Variants in RAD51B observed in about 807,000 individuals in gnomAD.
RAD51B encodes the protein DNA repair protein RAD51 homolog 2.
Under a neutral mutation model 42.2 loss-of-function variants are expected in RAD51B, and 38 were observed. The observed-to-expected ratio is 0.90, with a 90% CI of 0.70 to 1.18. The LOEUF (loss-of-function observed/expected upper bound fraction) is 1.18, where lower values mean the gene tolerates loss of function less well. RAD51B is among the 50% of genes most tolerant of loss of function. RAD51B has a pLI of 0.00. For synonymous variants in RAD51B, 154 were observed against 145.2 expected, an observed-to-expected ratio of 1.06 and a Z score of -0.43; for missense variants, 373 against 400.7, an observed-to-expected ratio of 0.93 and a Z score of 0.59.
chr14:68,076,946 A>G (rs1346811076), intron 7 of RAD51B, among the ~76,000 whole-genome samples: 2 of 152,186 alleles, frequency 1.3e-5, no homozygotes, highest in African/African-American at 4.8e-5. Flanking sequence ...TCTACCACTG[A>G]GATGTTTAGC....
At chr14:67,933,302 A>G (rs8008791) in intron 7 of RAD51B, among the ~76,000 whole-genome samples, 10,442 of 152,186 alleles carry the variant, frequency 0.069, 874 homozygotes, top group African/African-American at 0.2. Flanking sequence ...TAGCCATTTG[A>G]GTCAACACTG....
chr14:68,128,419 C>T (rs988028098), intron 7 of RAD51B, among the ~76,000 whole-genome samples: 2 of 152,138 alleles, frequency 1.3e-5, no homozygotes, highest in African/African-American at 2.4e-5. Context: ...ATAGGCCAGG[C>T]ACCAGTGGCT....
intron 8 of RAD51B, among the ~76,000 whole-genome samples, chr14:68,398,842 C>T (rs931125027): frequency 6.6e-6 from 1 of 152,068 alleles, no homozygotes; most frequent in Non-Finnish European, 1.5e-5. Flanking sequence ...GGACTGTCTG[C>T]GGGATCTGAG....
intron 9 of RAD51B, among the ~76,000 whole-genome samples, chr14:68,429,039 A>G (rs1162949983): frequency 6.6e-6 from 1 of 151,854 alleles, no homozygotes; most frequent in Non-Finnish European, 1.5e-5. Flanking sequence ...TTTGCTGAGC[A>G]TGATGGTTTC....
chr14:68,522,424 G>C (rs1333753407), intron 10 of RAD51B, among the ~76,000 whole-genome samples: 1 of 152,040 alleles, frequency 6.6e-6, no homozygotes, highest in African/African-American at 2.4e-5. Flanking sequence ...TGAAGAGACT[G>C]CAAAAAAAAT....
chr14:68,353,480 G>A (rs968691543), intron 8 of RAD51B, among the ~76,000 whole-genome samples: 1 of 152,132 alleles, frequency 6.6e-6, no homozygotes, highest in African/African-American at 2.4e-5. Context: ...GGAATATCAG[G>A]GCTAGAATAT....
At chr14:68,088,594 G>A (rs2077037390) in intron 7 of RAD51B, among the ~76,000 whole-genome samples, 1 of 150,700 alleles carries the variant, frequency 6.6e-6, no homozygotes, top group Admixed American at 6.7e-5. Flanking sequence ...GGGATCGTGT[G>A]TGTGTGTGTG....
chr14:67,895,166 G>T (rs977230550), intron 7 of RAD51B, among the ~76,000 whole-genome samples: 2 of 152,168 alleles, frequency 1.3e-5, no homozygotes, highest in African/African-American at 4.8e-5. Flanking sequence ...TTCTAAAGTT[G>T]TATGCTAAGA....
chr14:68,613,350 G>A (rs566101183), downstream of RAD51B, among the ~76,000 whole-genome samples: 1,010 of 152,066 alleles, frequency 6.6e-3, 11 homozygotes, highest in African/African-American at 0.023. Flanking sequence ...CCCAGGAGGT[G>A]GAGGTTGCAG....
intron 7 of RAD51B, among the ~76,000 whole-genome samples, chr14:68,240,396 A>G (rs1314957706): frequency 6.6e-6 from 1 of 152,212 alleles, no homozygotes; most frequent in Non-Finnish European, 1.5e-5. Flanking sequence ...GAAAAAGAAG[A>G]CATATTTTTT....
chr14:68,188,245 C>A (rs920949373), intron 7 of RAD51B, among the ~76,000 whole-genome samples: 11 of 146,742 alleles, frequency 7.5e-5, no homozygotes, highest in Admixed American at 4.1e-4. Flanking sequence ...ATAGTGATTT[C>A]TTTTTTTTTT....
chr14:68,181,027 C>T (rs776577154), intron 7 of RAD51B, among the ~76,000 whole-genome samples: 1 of 152,200 alleles, frequency 6.6e-6, no homozygotes. Context: ...TAGCCTAATG[C>T]TAAAACTCAC....
intron 10 of RAD51B, among the ~76,000 whole-genome samples, chr14:68,549,928 T>C (rs17828955): frequency 0.18 from 27,998 of 152,154 alleles, 3,299 homozygotes; most frequent in Non-Finnish European, 0.27. Context: ...TAATTCTTCA[T>C]TGCTGCAAGT....
At chr14:68,019,655 G>A (rs2075832031) in intron 7 of RAD51B, among the ~76,000 whole-genome samples, 2 of 152,060 alleles carry the variant, frequency 1.3e-5, no homozygotes, top group Non-Finnish European at 2.9e-5. Context: ...GTGGATTTTG[G>A]TATATGTGGT....
chr14:68,078,867 G>A (rs189928887), intron 7 of RAD51B, among the ~76,000 whole-genome samples: 165 of 152,250 alleles, frequency 1.1e-3, no homozygotes, highest in Non-Finnish European at 2.1e-3. Context: ...GCTTGTGCCT[G>A]TAGTCCCAGC....
At chr14:67,895,460 G>A (rs1022779672) in intron 7 of RAD51B, among the ~76,000 whole-genome samples, 26 of 152,010 alleles carry the variant, frequency 1.7e-4, no homozygotes, top group African/African-American at 4.8e-4. Flanking sequence ...TTTCTGTATC[G>A]GTAATAGTAC....
At chr14:67,961,448 G>A (rs906843701) in intron 7 of RAD51B, among the ~76,000 whole-genome samples, 1 of 152,198 alleles carries the variant, frequency 6.6e-6, no homozygotes, top group Non-Finnish European at 1.5e-5. Context: ...CTGTGTCTCA[G>A]ACAAAGATAT....
chr14:68,444,944 G>C (rs550368845), intron 9 of RAD51B, among the ~76,000 whole-genome samples: 1 of 152,306 alleles, frequency 6.6e-6, no homozygotes, highest in Non-Finnish European at 1.5e-5. Flanking sequence ...AGGCATATCC[G>C]TGCATTAGAG....
At chr14:68,124,409 G>T (rs544854576) in intron 7 of RAD51B, among the ~76,000 whole-genome samples, 1 of 152,122 alleles carries the variant, frequency 6.6e-6, no homozygotes, top group African/African-American at 2.4e-5. Context: ...TCTAGCAGCC[G>T]TACACACGAA....
Sources: allele counts gnomAD v4.1 joint callset (sites outside exome capture counted in the v4.1 genomes callset), GRCh38; gene constraint gnomAD v4.1.1; transcripts MANE v1.5; gene names NCBI Gene and HGNC (gene_info 2026-07-23, HGNC 2026-07-21).